Variants in ITPKB observed in about 807,000 individuals in gnomAD.
The protein encoded by ITPKB is inositol-trisphosphate 3-kinase B, also known as IP3 3-kinase B.
Under a neutral mutation model 69.4 loss-of-function variants are expected in ITPKB, and 13 were observed. The observed-to-expected ratio is 0.19, with a 90% CI of 0.12 to 0.30. The LOEUF (loss-of-function observed/expected upper bound fraction) is 0.30, where lower values mean the gene tolerates loss of function less well. ITPKB is among the 10% of genes least tolerant of loss of function. ITPKB has a pLI of 1.00. For synonymous variants in ITPKB, 584 were observed against 513.7 expected (o/e 1.14, Z -1.85); for missense variants, 1,240 against 1,250.5 (o/e 0.99, Z 0.13).
chr1:226,707,712 C>T lies in ITPKB; in HGVS notation c.1932+27815G>A, dbSNP rs4653766. On this transcript the variant is annotated intron_variant, in intron 2 of 7. Coordinates refer to ENST00000429204, the MANE Select transcript of ITPKB (RefSeq NM_002221.4). Reference sequence around the variant, plus strand: ...ACTAAAGAATTACAAATTACAACTTCAAGGGACAGTAAGACAATATCAAAC... The same window carrying T: ...ACTAAAGAATTACAAATTACAACTTTAAGGGACAGTAAGACAATATCAAAC... 17,134 of 1,035,200 alleles carry T rather than the reference C, an allele frequency of 0.017. 1,435 individuals carry two copies. In the African/African-American group the frequency reaches 0.21, roughly 12 times the overall value. 64.1% of individuals were successfully genotyped at this position (1,035,200 alleles called of 1,614,324 possible). A position where few individuals can be genotyped will look rare whatever the true frequency, so the allele number is the denominator to read the frequency against.
At chr1:226,663,143 G>A (rs765360335) in intron 2 of ITPKB, among the ~76,000 whole-genome samples, 10 of 152,168 alleles carry the variant, frequency 6.6e-5, no homozygotes, top group Non-Finnish European at 1.3e-4. Flanking sequence ...TATGTGTGAC[G>A]ATATGTGTGA....
At chr1:226,640,608 A>G (rs1668941722) in intron 5 of ITPKB, among the ~76,000 whole-genome samples, 2 of 152,322 alleles carry the variant, frequency 1.3e-5, no homozygotes, top group East Asian at 1.9e-4. Context: ...GCTGGACAAT[A>G]GACAGAGACC....
At chr1:226,665,213 C>G (rs765000431) in intron 2 of ITPKB, among the ~76,000 whole-genome samples, 26 of 152,208 alleles carry the variant, frequency 1.7e-4, no homozygotes, top group Non-Finnish European at 3.7e-4. Flanking sequence ...TTCTCTTCCC[C>G]TGTCACTGGG....
intron 2 of ITPKB, among the ~76,000 whole-genome samples, chr1:226,716,989 G>T (rs1008492671): frequency 6.6e-6 from 1 of 152,208 alleles, no homozygotes; most frequent in African/African-American, 2.4e-5. Flanking sequence ...TCATACCGAG[G>T]GAGAAATAAC....
chr1:226,716,090 C>A (rs968356244), intron 2 of ITPKB, among the ~76,000 whole-genome samples: 1 of 152,234 alleles, frequency 6.6e-6, no homozygotes, highest in Non-Finnish European at 1.5e-5. Flanking sequence ...GCACTACAGG[C>A]GTGAGCCACC....
chr1:226,724,783 A>T (rs533127819), intron 2 of ITPKB, among the ~76,000 whole-genome samples: 1 of 152,318 alleles, frequency 6.6e-6, no homozygotes, highest in South Asian at 2.1e-4. Context: ...CTTCTGGTCA[A>T]TCGGGGTCCT....
chr1:226,649,435 ATG>A (rs928041954), intron 2 of ITPKB, among the ~76,000 whole-genome samples: 70 of 104,284 alleles, frequency 6.7e-4, no homozygotes, highest in African/African-American at 2.6e-3. Context: ...GTGTGTGCGT[ATG>A]TGTGCGTGTG....
At chr1:226,734,119 G>C (rs565009005) in intron 2 of ITPKB, among the ~76,000 whole-genome samples, 1 of 152,364 alleles carries the variant, frequency 6.6e-6, no homozygotes, top group South Asian at 2.1e-4. Context: ...ACCTGCCCTT[G>C]ACCACCATCC....
intron 2 of ITPKB, among the ~76,000 whole-genome samples, chr1:226,665,044 T>C (rs1318116591): frequency 6.6e-6 from 1 of 152,268 alleles, no homozygotes; most frequent in African/African-American, 2.4e-5. Context: ...CAGACTCACC[T>C]TGTTTGGCTA....
At chr1:226,680,892 C>A (rs867551842) in intron 2 of ITPKB, among the ~76,000 whole-genome samples, 3 of 152,302 alleles carry the variant, frequency 2.0e-5, no homozygotes, top group Admixed American at 2.0e-4. Context: ...ACCTCTGCCA[C>A]CCCCAACACA....
intron 2 of ITPKB, among the ~76,000 whole-genome samples, chr1:226,733,876 G>A (rs1242708449): frequency 1.3e-5 from 2 of 152,138 alleles, no homozygotes; most frequent in African/African-American, 4.8e-5. Flanking sequence ...TTCAAACATC[G>A]GGACACAAAC....
chr1:226,664,754 C>T (rs994998326), intron 2 of ITPKB, among the ~76,000 whole-genome samples: 5 of 151,972 alleles, frequency 3.3e-5, no homozygotes, highest in East Asian at 3.8e-4. Context: ...GAAAAGGAAG[C>T]GAGCCGATAA....
At chr1:226,671,058 T>C (rs1174918796) in intron 2 of ITPKB, among the ~76,000 whole-genome samples, 1 of 152,208 alleles carries the variant, frequency 6.6e-6, no homozygotes, top group Non-Finnish European at 1.5e-5. Context: ...CTCTCCAAAA[T>C]GTCCCTTCAG....
At position 226,635,138 on chromosome 1, in the gene ITPKB, T is replaced by C. The variant is rs202034587; in HGVS notation, c.2626-252A>G. 5.6e-4 allele frequency among the ~76,000 whole-genome samples: 85 copies of C among 152,250 alleles called. No homozygotes were observed. The East Asian group carries it at 0.011, about 20-fold the overall frequency. On this transcript the variant is annotated intron_variant, in intron 7 of 7. Coordinates refer to ENST00000429204, the MANE Select transcript of ITPKB (RefSeq NM_002221.4). ...CAGCAGCAGGCACCCCTTCACCCCC[T>C]GACTCTGGCCTGCACACTTTCCACT...
At chr1:226,709,150 C>T (rs1466691724) in intron 2 of ITPKB, among the ~76,000 whole-genome samples, 3 of 152,262 alleles carry the variant, frequency 2.0e-5, no homozygotes, top group Non-Finnish European at 4.4e-5. Flanking sequence ...AAGGCTGTGA[C>T]AAAACTGCCT....
intron 2 of ITPKB, among the ~76,000 whole-genome samples, chr1:226,661,218 C>T (rs758805937): frequency 6.6e-6 from 1 of 152,232 alleles, no homozygotes; most frequent in Non-Finnish European, 1.5e-5. Flanking sequence ...TTATAGCCCA[C>T]AGAGAGGTAA....
chr1:226,646,047 T>TCA (rs998925523), intron 4 of ITPKB, among the ~76,000 whole-genome samples: 1 of 152,094 alleles, frequency 6.6e-6, no homozygotes, highest in African/African-American at 2.4e-5. Context: ...TCTCTCTCTC[T>TCA]CACACACACA....
At chr1:226,662,817 G>C (rs549809651) in intron 2 of ITPKB, among the ~76,000 whole-genome samples, 1 of 152,356 alleles carries the variant, frequency 6.6e-6, no homozygotes, top group African/African-American at 2.4e-5. Flanking sequence ...ATGGCACTCA[G>C]CAAGTGAGAA....
Position 226,647,349 on chromosome 1 carries a change from G to A in ITPKB, c.2064C>T (p.Ile688=). 6.2e-7 allele frequency: 1 copy of A among 1,614,042 alleles called. No individual in the cohort carries two copies. The highest frequency in any genetic ancestry group is 8.5e-7 in the Non-Finnish European group (1 of 1,179,966). Residue 688 remains isoleucine, a synonymous_variant, in exon 4 of 8, where the codon ATC becomes ATT. Transcript: ENST00000429204. ...GSFKAAANGR[I]LKKHCESEQR... ...GCTCTGACTCACAGTGCTTCTTCAGGATCCTGCCATTGGCAGCTGCCTTGA... is the reference window on the plus strand; with the variant it reads ...GCTCTGACTCACAGTGCTTCTTCAGAATCCTGCCATTGGCAGCTGCCTTGA...
Sources: gnomAD v4.1 joint callset for allele counts (sites outside exome capture counted in the v4.1 genomes callset) on GRCh38, gnomAD v4.1.1 for gene constraint, MANE v1.5 for transcripts, NCBI Gene and HGNC (gene_info 2026-07-23, HGNC 2026-07-21) for gene names.